Variants in ADAMTS18 observed in about 807,000 individuals in gnomAD.
ADAMTS18 encodes the protein ADAM metallopeptidase with thrombospondin type 1 motif 18, also known as A disintegrin and metalloproteinase with thrombospondin motifs 18.
Under a neutral mutation model 165.9 loss-of-function variants are expected in ADAMTS18, and 157 were observed. That is an observed-to-expected ratio of 0.95 (90% CI 0.83 to 1.08). The LOEUF (loss-of-function observed/expected upper bound fraction) is 1.08. ADAMTS18 is among the 50% of genes least tolerant of loss of function. ADAMTS18 has a pLI of 0.00. For synonymous variants in ADAMTS18, 782 were observed against 578.2 expected (o/e 1.35, Z -5.06); for missense variants, 2,040 against 1,534.0 (o/e 1.33, Z -5.51).
At chr16:77,364,451 C>A (rs2056763394) in intron 4 of ADAMTS18, 70 bp from the exon 5 acceptor site, 2 of 1,522,766 alleles carry the variant, frequency 1.3e-6, no homozygotes, top group East Asian at 4.6e-5. Context: ...GAGAGAGAAA[C>A]TGAAACAAGG....
At position 77,402,686 on chromosome 16, in the gene ADAMTS18, T is replaced by C. The variant is rs116084578; in HGVS notation, c.495+28609A>G. 6.6e-3 allele frequency among the ~76,000 whole-genome samples: 1,007 copies of C among 152,330 alleles called. 18 individuals are homozygous for C. Among genetic ancestry groups the C allele is most frequent in the African/African-American group, 0.023 (949 of 41,572 alleles). On this transcript the variant is annotated intron_variant, in intron 3 of 22. Transcript: ENST00000282849. ...ATCAACTTGAATAATTAAAGACTAA[T>C]GATAGAAAATACATTTTCACAAAAC...
chr16:77,395,409 C>T (rs545723636), intron 3 of ADAMTS18, among the ~76,000 whole-genome samples: 1 of 152,284 alleles, frequency 6.6e-6, no homozygotes, highest in East Asian at 1.9e-4. Context: ...AGCCATACTT[C>T]TTCCTCCTAC....
intron 3 of ADAMTS18, among the ~76,000 whole-genome samples, chr16:77,414,030 GC>G (rs1424594073): frequency 6.6e-6 from 1 of 152,096 alleles, no homozygotes; most frequent in African/African-American, 2.4e-5. Flanking sequence ...AGAAATTTCT[GC>G]ATAGAAACTA....
At chr16:77,357,176 A>T (rs1242597844) in intron 8 of ADAMTS18, among the ~76,000 whole-genome samples, 2 of 152,126 alleles carry the variant, frequency 1.3e-5, no homozygotes, top group Non-Finnish European at 2.9e-5. Context: ...TCATTTATAG[A>T]GTTCGCCTTT....
chr16:77,357,004 T>C (rs1342431526), intron 8 of ADAMTS18, among the ~76,000 whole-genome samples: 64 of 130,890 alleles, frequency 4.9e-4, no homozygotes, highest in African/African-American at 1.9e-3. Context: ...TTTTTTTTTT[T>C]TTTTAGGGAT....
intron 12 of ADAMTS18, among the ~76,000 whole-genome samples, chr16:77,329,401 C>T (rs149365548): frequency 6.6e-6 from 1 of 152,252 alleles, no homozygotes; most frequent in East Asian, 1.9e-4. Flanking sequence ...TCAAACATGG[C>T]CAGACCCTGA....
At chr16:77,383,219 G>GT (rs1231130975) in intron 3 of ADAMTS18, among the ~76,000 whole-genome samples, 1 of 152,116 alleles carries the variant, frequency 6.6e-6, no homozygotes, top group East Asian at 1.9e-4. Context: ...CTCCAGAGTT[G>GT]TTTTTTCCAA....
chr16:77,288,951 G>A (rs975348423), intron 22 of ADAMTS18, among the ~76,000 whole-genome samples: 1 of 152,126 alleles, frequency 6.6e-6, no homozygotes, highest in Non-Finnish European at 1.5e-5. Context: ...CAGGCGTGGT[G>A]GTGCACACCT....
At chr16:77,323,613 A>C (rs1006618689) in intron 13 of ADAMTS18, among the ~76,000 whole-genome samples, 2 of 152,030 alleles carry the variant, frequency 1.3e-5, no homozygotes, top group Non-Finnish European at 2.9e-5. Context: ...GTCCATTAAA[A>C]ACACAGAGGA....
intron 6 of ADAMTS18, among the ~76,000 whole-genome samples, 156 bp downstream of exon 6, chr16:77,363,646 C>T (rs950692708): frequency 1.3e-5 from 2 of 151,606 alleles, no homozygotes; most frequent in Admixed American, 1.3e-4. Context: ...TGTGTGATTA[C>T]ACAATCTTTT....
chr16:77,371,351 G>A (rs2056873601), intron 3 of ADAMTS18, among the ~76,000 whole-genome samples: 1 of 152,126 alleles, frequency 6.6e-6, no homozygotes, highest in African/African-American at 2.4e-5. Context: ...AAGGAACACA[G>A]CTGGAAACAT....
chr16:77,362,023 A>C, intron 7 of ADAMTS18, 82 bp downstream of exon 7: 1 of 1,445,400 alleles, frequency 6.9e-7, no homozygotes, highest in Non-Finnish European at 9.7e-7. Flanking sequence ...AAGGAACATA[A>C]GGGCTATCCA....
At chr16:77,292,245 C>T (rs1344617284) in intron 20 of ADAMTS18, among the ~76,000 whole-genome samples, 2 of 152,196 alleles carry the variant, frequency 1.3e-5, no homozygotes, top group African/African-American at 4.8e-5. Context: ...CTGCAGTGAG[C>T]TGAGATTTTG....
chr16:77,303,651 C>T (rs1254340435), intron 16 of ADAMTS18, among the ~76,000 whole-genome samples: 3 of 151,734 alleles, frequency 2.0e-5, no homozygotes, highest in South Asian at 2.1e-4. Context: ...AAATGACTTT[C>T]GGGAGGGGGA....
chr16:77,324,272 T>A (rs1375330774), intron 13 of ADAMTS18, among the ~76,000 whole-genome samples: 2 of 152,100 alleles, frequency 1.3e-5, no homozygotes, highest in East Asian at 3.9e-4. Flanking sequence ...ATCTTCCAAG[T>A]CTGGAATAGG....
chr16:77,329,485 T>C (rs1240288006), intron 12 of ADAMTS18, among the ~76,000 whole-genome samples: 1 of 152,144 alleles, frequency 6.6e-6, no homozygotes, highest in Non-Finnish European at 1.5e-5. Context: ...ATTTGCAAAA[T>C]AGGAACAGTT....
rs369294701 is a variant in ADAMTS18 at position 77,431,556 on chromosome 16, G to C, written c.234C>G (p.His78Gln). The change falls in exon 3 of 23, where the codon CAC becomes CAG. Residue 78 changes from histidine (H) to glutamine (Q), a missense_variant. By Grantham distance (24) the His-to-Gln change is conservative. Coordinates refer to ENST00000282849, the MANE Select transcript of ADAMTS18 (RefSeq NM_199355.4). ...TTTTCCTGCCGTTGTGCAAAATGTC[G>C]TGTGAAATATATGACCCGGCTGAGT... ...EVDSAGSYISHDILHNGRKKR... is the reference protein window; with the variant it reads ...EVDSAGSYISQDILHNGRKKR... 6.2e-7 allele frequency: 1 copy of C among 1,614,158 alleles called. No individual in the cohort carries two copies. Among genetic ancestry groups the C allele is most frequent in the South Asian group, 1.1e-5 (1 of 91,084 alleles).
intron 3 of ADAMTS18, among the ~76,000 whole-genome samples, chr16:77,376,619 C>G (rs555186164): frequency 8.7e-4 from 132 of 152,246 alleles, no homozygotes; most frequent in African/African-American, 3.1e-3. Context: ...TGTGTTTTGT[C>G]TTTTCCAGAA....
At chr16:77,394,096 C>T (rs78819973) in intron 3 of ADAMTS18, among the ~76,000 whole-genome samples, 3,009 of 152,266 alleles carry the variant, frequency 0.02, 55 homozygotes, top group Middle Eastern at 0.031. Context: ...AAAGATTGAT[C>T]CCCTGGAATC....
Sources: allele counts gnomAD v4.1 joint callset (sites outside exome capture counted in the v4.1 genomes callset), GRCh38; gene constraint gnomAD v4.1.1; transcripts MANE v1.5; gene names NCBI Gene and HGNC (gene_info 2026-07-23, HGNC 2026-07-21).